The following ZNF521 variants were observed in gnomAD, a reference collection of about 807,000 sequenced individuals.
ZNF521 encodes LYST-interacting protein 3.
A neutral mutation model predicts 105.5 loss-of-function variants in ZNF521; 14 were observed. The ratio of observed to expected loss-of-function variants is 0.13; its 90% confidence interval spans 0.09 to 0.21. ZNF521 has a LOEUF of 0.21. Ranked by LOEUF, ZNF521 falls within the 10% of genes least tolerant of loss-of-function variation. The pLI is 1.00. For missense variants in ZNF521, 1,233 were observed against 1,629.7 expected (o/e 0.76, Z 4.19); for synonymous variants, 635 against 606.0 (o/e 1.05, Z -0.70).
chr18:25,127,086 A>G (rs2034551831), intron 5 of ZNF521, among the ~76,000 whole-genome samples: 1 of 152,070 alleles, frequency 6.6e-6, no homozygotes. Flanking sequence ...ACTATTAATG[A>G]GTGATTGGGC....
intron 5 of ZNF521, among the ~76,000 whole-genome samples, chr18:25,112,971 C>T (rs2034222909): frequency 6.6e-6 from 1 of 151,282 alleles, no homozygotes; most frequent in South Asian, 2.1e-4. Flanking sequence ...CTTAATTATG[C>T]AGATTTTTTT....
At chr18:25,159,321 G>A (rs982014354) in intron 5 of ZNF521, among the ~76,000 whole-genome samples, 12 of 152,286 alleles carry the variant, frequency 7.9e-5, no homozygotes, top group East Asian at 1.9e-4. Flanking sequence ...TATTTGCTAT[G>A]TTGCCCAAAG....
At chr18:25,265,972 GA>G in intron 3 of ZNF521, among the ~76,000 whole-genome samples, 1 of 152,274 alleles carries the variant, frequency 6.6e-6, no homozygotes, top group East Asian at 1.9e-4. Flanking sequence ...CTTACTGGTA[GA>G]AACTAAAAAT....
chr18:25,212,355 C>CA (rs1211248508), intron 4 of ZNF521, among the ~76,000 whole-genome samples: 3 of 149,852 alleles, frequency 2.0e-5, no homozygotes, highest in South Asian at 2.1e-4. Context: ...ACTAAAAATA[C>CA]AAAAATCAGC....
chr18:25,326,785 C>T (rs1352411043), intron 2 of ZNF521, among the ~76,000 whole-genome samples: 1 of 152,106 alleles, frequency 6.6e-6, no homozygotes, highest in Non-Finnish European at 1.5e-5. Flanking sequence ...AATATGAATG[C>T]AAGAAGATTA....
chr18:25,150,129 C>T (rs1327430190), intron 5 of ZNF521, among the ~76,000 whole-genome samples: 2 of 152,042 alleles, frequency 1.3e-5, no homozygotes, highest in Non-Finnish European at 2.9e-5. Context: ...TTCACAGCAA[C>T]TTGGATGGAA....
At chr18:25,332,401 C>A (rs1427068975) in intron 2 of ZNF521, among the ~76,000 whole-genome samples, 3 of 145,660 alleles carry the variant, frequency 2.1e-5, no homozygotes, top group African/African-American at 7.5e-5. Flanking sequence ...TTATAAACTA[C>A]AAGAAAATTT....
chr18:25,088,643 A>G (rs968329352), intron 7 of ZNF521, among the ~76,000 whole-genome samples: 3 of 152,222 alleles, frequency 2.0e-5, no homozygotes, highest in Admixed American at 6.5e-5. Flanking sequence ...CCCATTTTCA[A>G]GGTGAAGTAA....
chr18:25,283,290 C>T (rs988257839), intron 3 of ZNF521, among the ~76,000 whole-genome samples: 1 of 152,216 alleles, frequency 6.6e-6, no homozygotes, highest in African/African-American at 2.4e-5. Context: ...CATACATTCC[C>T]ACTCTTGCCT....
intron 7 of ZNF521, among the ~76,000 whole-genome samples, chr18:25,083,074 T>C (rs572429328): frequency 1.3e-5 from 2 of 152,272 alleles, no homozygotes; most frequent in South Asian, 4.1e-4. Flanking sequence ...AGATTCTACC[T>C]TGTCTTTCGT....
intron 2 of ZNF521, among the ~76,000 whole-genome samples, chr18:25,348,392 T>C (rs1914555458): frequency 1.3e-5 from 2 of 152,184 alleles, no homozygotes; most frequent in African/African-American, 4.8e-5. Flanking sequence ...CCCTTCCTCT[T>C]CTTCAAAACC....
intron 3 of ZNF521, among the ~76,000 whole-genome samples, chr18:25,293,528 C>T (rs1911157610): frequency 6.6e-6 from 1 of 152,150 alleles, no homozygotes; most frequent in Admixed American, 6.5e-5. Context: ...ACTATTGCAG[C>T]TCTTTAGAGA....
intron 7 of ZNF521, among the ~76,000 whole-genome samples, chr18:25,084,069 C>T (rs1000375367): frequency 9.3e-5 from 14 of 150,356 alleles, no homozygotes; most frequent in Non-Finnish European, 1.5e-4. Flanking sequence ...CAGGCATGAG[C>T]CACTGTGCCT....
rs145965493 is a variant in ZNF521 at position 25,084,598 on chromosome 18, G to C, written c.3906+4867C>G. On this transcript the variant is annotated intron_variant, in intron 7 of 7. Transcript: ENST00000361524. Reference sequence around the variant, plus strand: ...TGCACTCATGACTTAATGAAGGGAAGGGCTGGGTATTAAGATAATCTTTGA... The same window carrying C: ...TGCACTCATGACTTAATGAAGGGAACGGCTGGGTATTAAGATAATCTTTGA... Among the ~76,000 whole-genome samples, 86 of 152,270 alleles carry C rather than the reference G, an allele frequency of 5.6e-4. 1 individual carries two copies. The East Asian group carries it at 0.012, about 22-fold the overall frequency.
chr18:25,096,873 C>G (rs2033862426), intron 5 of ZNF521, among the ~76,000 whole-genome samples: 1 of 152,158 alleles, frequency 6.6e-6, no homozygotes, highest in South Asian at 2.1e-4. Flanking sequence ...CTTAAAAGCT[C>G]TGATCTGAGT....
intron 5 of ZNF521, among the ~76,000 whole-genome samples, chr18:25,167,339 AG>A (rs2144545370): frequency 6.6e-6 from 1 of 152,350 alleles, no homozygotes; most frequent in South Asian, 2.1e-4. Flanking sequence ...GTGCTTCTAC[AG>A]TAATAGGCTG....
At chr18:25,151,930 G>C (rs1385684889) in intron 5 of ZNF521, among the ~76,000 whole-genome samples, 1 of 152,180 alleles carries the variant, frequency 6.6e-6, no homozygotes. Context: ...CTTTCTTATG[G>C]AACGGGGGTT....
chr18:25,091,576 T>A (rs144919563), intron 6 of ZNF521, among the ~76,000 whole-genome samples: 2 of 152,282 alleles, frequency 1.3e-5, no homozygotes, highest in African/African-American at 4.8e-5. Flanking sequence ...ACAACACGGC[T>A]GCACTTTTAG....
At chr18:25,244,113 A>G (rs1217253741) in intron 3 of ZNF521, among the ~76,000 whole-genome samples, 2 of 152,114 alleles carry the variant, frequency 1.3e-5, no homozygotes, top group Non-Finnish European at 2.9e-5. Context: ...CTCCAAGACT[A>G]CCTTCCTTCC....
Sources: allele counts gnomAD v4.1 joint callset (sites outside exome capture counted in the v4.1 genomes callset), GRCh38; gene constraint gnomAD v4.1.1; transcripts MANE v1.5; gene names NCBI Gene and HGNC (gene_info 2026-07-23, HGNC 2026-07-21).